ESR1: variants seen among roughly 807,000 people sequenced by gnomAD.
ESR1 encodes the protein estrogen receptor.
A neutral mutation model predicts 52.7 loss-of-function variants in ESR1; 12 were observed. That is an observed-to-expected ratio of 0.23 (90% CI 0.15 to 0.37). The LOEUF (loss-of-function observed/expected upper bound fraction) is 0.37, where lower values mean the gene tolerates loss of function less well. ESR1 is among the 10% of genes least tolerant of loss of function. The pLI is 1.00. For missense variants in ESR1, 584 were observed against 779.7 expected (o/e 0.75, Z 2.99); for synonymous variants, 305 against 316.8 (o/e 0.96, Z 0.39).
intron 2 of ESR1, among the ~76,000 whole-genome samples, chr6:151,844,768 GA>G (rs1358350760): frequency 6.6e-6 from 1 of 151,822 alleles, no homozygotes; most frequent in African/African-American, 2.4e-5. Context: ...ATTTTACTGA[GA>G]ACTTACTCTA....
chr6:151,794,979 A>G (rs1018427021), intron 2 of ESR1, among the ~76,000 whole-genome samples: 2 of 152,140 alleles, frequency 1.3e-5, no homozygotes, highest in Non-Finnish European at 2.9e-5. Flanking sequence ...TTCATTCATT[A>G]TTAGCTTGTG....
intron 2 of ESR1, among the ~76,000 whole-genome samples, chr6:151,711,463 C>T (rs973430347): frequency 7.2e-5 from 11 of 152,166 alleles, no homozygotes; most frequent in Non-Finnish European, 1.2e-4. Flanking sequence ...CCTCGTGATC[C>T]ACCTGCCTTG....
At chr6:151,786,096 A>G (rs1454720388) in intron 2 of ESR1, among the ~76,000 whole-genome samples, 2 of 152,126 alleles carry the variant, frequency 1.3e-5, no homozygotes, top group Non-Finnish European at 2.9e-5. Flanking sequence ...CCGCCCCAAC[A>G]TCTGAGGGCT....
intron 2 of ESR1, among the ~76,000 whole-genome samples, chr6:151,753,110 G>A (rs547192657): frequency 6.6e-6 from 1 of 152,224 alleles, no homozygotes; most frequent in East Asian, 1.9e-4. Context: ...TGCTAGCCTG[G>A]TAACACAGTC....
At chr6:151,860,194 A>G (rs1176726526) in intron 2 of ESR1, among the ~76,000 whole-genome samples, 1 of 152,218 alleles carries the variant, frequency 6.6e-6, no homozygotes, top group East Asian at 1.9e-4. Context: ...ATATACATAT[A>G]CATAATGAAA....
intron 2 of ESR1, among the ~76,000 whole-genome samples, chr6:151,790,087 C>A (rs1001985558): frequency 6.6e-6 from 1 of 152,162 alleles, no homozygotes; most frequent in Non-Finnish European, 1.5e-5. Flanking sequence ...GCAGGTGGCA[C>A]CACACCCTCT....
chr6:152,045,318 A>G (rs551375222), intron 5 of ESR1, among the ~76,000 whole-genome samples: 6 of 152,300 alleles, frequency 3.9e-5, no homozygotes, highest in African/African-American at 1.4e-4. Context: ...AGACTTTGGA[A>G]CCTGTGGAGT....
intron 2 of ESR1, among the ~76,000 whole-genome samples, chr6:151,743,934 A>AAG (rs1342806163): frequency 6.6e-6 from 1 of 152,034 alleles, no homozygotes; most frequent in African/African-American, 2.4e-5. Flanking sequence ...GGCCCCTGAT[A>AAG]ATCACTCATC....
chr6:152,016,270 T>G (rs1311409761), intron 5 of ESR1, among the ~76,000 whole-genome samples: 2 of 152,118 alleles, frequency 1.3e-5, no homozygotes, highest in African/African-American at 4.8e-5. Flanking sequence ...AAGTATGTCT[T>G]TATTAGCAGC....
At chr6:151,677,972 A>AAAAAAATGTT (rs58791714) in intron 1 of ESR1, among the ~76,000 whole-genome samples, 2 of 151,962 alleles carry the variant, frequency 1.3e-5, no homozygotes, top group African/African-American at 4.8e-5. Flanking sequence ...AAAAATTAAT[A>AAAAAAATGTT]AAACGTAATG....
At chr6:151,731,428 A>G (rs1011548511) in intron 2 of ESR1, among the ~76,000 whole-genome samples, 3 of 152,078 alleles carry the variant, frequency 2.0e-5, no homozygotes, top group African/African-American at 7.2e-5. Context: ...CTTTGGAAGA[A>G]CTGGGCTTGG....
intron 1 of ESR1, among the ~76,000 whole-genome samples, chr6:151,833,955 C>A (rs1462556654): frequency 1.3e-5 from 2 of 152,282 alleles, no homozygotes; most frequent in East Asian, 1.9e-4. Flanking sequence ...AAAATCTCAT[C>A]ATCACTGGCC....
At chr6:151,728,173 C>T (rs1001268674) in intron 2 of ESR1, among the ~76,000 whole-genome samples, 1 of 152,126 alleles carries the variant, frequency 6.6e-6, no homozygotes, top group Non-Finnish European at 1.5e-5. Context: ...GGCAGGGGAC[C>T]TTAGCTCTGA....
chr6:152,084,715 A>G (rs1049041304), intron 6 of ESR1, among the ~76,000 whole-genome samples: 9 of 152,128 alleles, frequency 5.9e-5, no homozygotes. Context: ...AAAAAAAAAA[A>G]AAAACAGTTA....
intron 1 of ESR1, among the ~76,000 whole-genome samples, chr6:151,815,207 C>T (rs1489621481): frequency 6.6e-6 from 1 of 152,108 alleles, no homozygotes; most frequent in East Asian, 1.9e-4. Flanking sequence ...GTATTTATTT[C>T]TCCTGGAATA....
chr6:151,852,751 C>T (rs1331004110), intron 2 of ESR1, among the ~76,000 whole-genome samples: 1 of 151,378 alleles, frequency 6.6e-6, no homozygotes, highest in African/African-American at 2.4e-5. Flanking sequence ...TTTTACTCTC[C>T]ATCATGTGTT....
chr6:152,043,930 C>T lies in ESR1; in HGVS notation c.1236-17061C>T, dbSNP rs142675819. Among the ~76,000 whole-genome samples, 1,083 of 152,230 alleles carry T rather than the reference C, an allele frequency of 7.1e-3. 14 individuals carry two copies. The highest frequency in any genetic ancestry group is 0.024 in the African/African-American group (1,010 of 41,530). On this transcript the variant is annotated intron_variant, in intron 5 of 7. Coordinates refer to ENST00000206249, the MANE Select transcript of ESR1 (RefSeq NM_000125.4). ...TGATAAGAGCTTGTGTCTGATTTTC[C>T]GCAATTTCAGCTCTTTCTCTACAGG...
intron 5 of ESR1, among the ~76,000 whole-genome samples, chr6:152,045,469 A>G (rs149976585): frequency 6.6e-6 from 1 of 152,142 alleles, no homozygotes; most frequent in African/African-American, 2.4e-5. Context: ...GGAGGATGGG[A>G]TCAGGCATAG....
chr6:151,874,653 A>G (rs1489716389), intron 2 of ESR1, among the ~76,000 whole-genome samples: 2 of 152,236 alleles, frequency 1.3e-5, no homozygotes, highest in Non-Finnish European at 2.9e-5. Flanking sequence ...AGCTTCTCAT[A>G]AAATCAGTCA....
Sources: allele counts gnomAD v4.1 joint callset (sites outside exome capture counted in the v4.1 genomes callset), GRCh38; gene constraint gnomAD v4.1.1; transcripts MANE v1.5; gene names NCBI Gene and HGNC (gene_info 2026-07-23, HGNC 2026-07-21).